The following MBP variants were observed in gnomAD, a reference collection of about 807,000 sequenced individuals.
MBP encodes the protein myelin basic protein.
In MBP, 16 loss-of-function variants were observed where a neutral mutation model predicts 35.8. The ratio of observed to expected loss-of-function variants is 0.45; its 90% CI spans 0.30 to 0.68. MBP has a LOEUF of 0.68. MBP is among the 30% of genes least tolerant of loss of function. MBP has a pLI of 0.08. For missense variants in MBP, 380 were observed against 404.7 expected, an observed-to-expected ratio of 0.94 and a Z score of 0.52; for synonymous variants, 143 against 159.6, an observed-to-expected ratio of 0.90 and a Z score of 0.78.
chr18:76,996,668 G>A (rs972672109), intron 4 of MBP, among the ~76,000 whole-genome samples: 1 of 152,094 alleles, frequency 6.6e-6, no homozygotes, highest in South Asian at 2.1e-4. Flanking sequence ...GCCGGAAAAG[G>A]CTGACCTATA....
chr18:77,015,418 A>C (rs1568290777), intron 4 of MBP: 1 of 985,476 alleles, frequency 1.0e-6, no homozygotes, highest in Non-Finnish European at 1.2e-6. Context: ...TGGGCTTGAA[A>C]AAGTGCTTCC....
Position 76,986,848 on chromosome 18 carries a change from G to A in MBP, c.750+1647C>T, listed in dbSNP as rs75069221. ...TGACTTTCAGATTAACAATCTGCGC[G>A]GCCTTTCCTCCTTTCCAATCCTTAG... On this transcript the variant is annotated intron_variant, in intron 7 of 8. Coordinates refer to ENST00000355994, the MANE Select transcript of MBP (RefSeq NM_001025101.2). The A allele has an allele frequency of 3.1e-3, 3,088 of 985,402 alleles. 93 individuals carry two copies. The African/African-American group carries it at 0.051, about 16-fold the overall frequency. 61.0% of individuals were successfully genotyped at this position (985,402 alleles called of 1,614,324 possible).
intron 3 of MBP, among the ~76,000 whole-genome samples, chr18:77,043,932 T>C (rs1468532170): frequency 2.0e-5 from 3 of 152,160 alleles, no homozygotes; most frequent in Non-Finnish European, 4.4e-5. Flanking sequence ...GTCCCAGCCA[T>C]TCTACCTGAC....
At chr18:76,983,576 G>A (rs965500226) in intron 8 of MBP, 4 of 152,234 alleles carry the variant, frequency 2.6e-5, no homozygotes, top group African/African-American at 9.7e-5. Context: ...TTTACGTTGA[G>A]GAGTGGATCC....
At chr18:77,015,884 A>T in intron 4 of MBP, 6 of 985,468 alleles carry the variant, frequency 6.1e-6, no homozygotes, top group Non-Finnish European at 7.2e-6. Flanking sequence ...GCCTTCTGGA[A>T]TTCCAGAATC....
intron 7 of MBP, chr18:76,986,686 C>T (rs1969575581): frequency 2.0e-6 from 2 of 985,410 alleles, no homozygotes; most frequent in African/African-American, 3.5e-5. Context: ...CATGCTCACT[C>T]CCTGATGGCA....
In MBP at chr18:77,131,015, G is replaced by GT. The variant is rs1174772297; in HGVS notation, c.-26+1564dup. Among the ~76,000 whole-genome samples, 1 of 105,456 alleles carries GT rather than the reference G, an allele frequency of 9.5e-6. No individual in the cohort carries two copies. Among genetic ancestry groups the GT allele is most frequent in the Non-Finnish European group, 1.9e-5 (1 of 53,730 alleles). The allele number at this position is 105,456 out of a possible 152,430, so 69.2% of individuals were successfully genotyped here. A position where few individuals can be genotyped will look rare whatever the true frequency, so the allele number is the denominator to read the frequency against. On this transcript the variant is annotated intron_variant, in intron 1 of 8. Coordinates refer to ENST00000355994, the MANE Select transcript of MBP (RefSeq NM_001025101.2). The surrounding 1 kb of genome is among the most constrained non-coding windows in gnomAD (Gnocchi z 5.5). ...CTGTGTTCTTTTCCCTCAGATTTCT[G>GT]TTTTTCCCACAAAAAAAAAAAAAAA...
chr18:77,021,687 G>A (rs1338504056), intron 3 of MBP, among the ~76,000 whole-genome samples: 1 of 152,018 alleles, frequency 6.6e-6, no homozygotes, highest in Non-Finnish European at 1.5e-5. Context: ...GTTTCACTAT[G>A]TTGGCCAGGC....
intron 4 of MBP, chr18:77,016,417 A>C: frequency 9.9e-7 from 1 of 1,014,990 alleles, no homozygotes; most frequent in South Asian, 4.3e-5. Context: ...CACTGACTCC[A>C]GGAAAAAACG....
chr18:77,029,345 A>G (rs1972440929), intron 3 of MBP, among the ~76,000 whole-genome samples: 1 of 148,820 alleles, frequency 6.7e-6, no homozygotes, highest in East Asian at 2.0e-4. Context: ...GGTTGCAGTG[A>G]GCCGAGATGG....
chr18:77,034,689 A>T (rs1420267939), intron 3 of MBP, among the ~76,000 whole-genome samples: 1 of 152,154 alleles, frequency 6.6e-6, no homozygotes, highest in Admixed American at 6.5e-5. Context: ...AAATTAATAA[A>T]ATCCAGTGGT....
At chr18:77,042,791 C>G (rs543304473) in intron 3 of MBP, among the ~76,000 whole-genome samples, 117 of 152,342 alleles carry the variant, frequency 7.7e-4, no homozygotes, top group African/African-American at 2.8e-3. Context: ...GCAGTGCCTG[C>G]CCGGTACCAG....
At chr18:77,084,039 C>T (rs1361169439) in intron 2 of MBP, among the ~76,000 whole-genome samples, 2 of 151,344 alleles carry the variant, frequency 1.3e-5, no homozygotes, top group African/African-American at 4.9e-5. Context: ...CATAAACGCT[C>T]AGTTTATGGG....
chr18:77,100,552 G>GTTTT (rs1491185619), intron 2 of MBP, among the ~76,000 whole-genome samples: 35 of 123,368 alleles, frequency 2.8e-4, no homozygotes, highest in African/African-American at 9.1e-4. Flanking sequence ...TGTGTTTTGT[G>GTTTT]GTTTTTTCTT....
intron 3 of MBP, among the ~76,000 whole-genome samples, chr18:77,050,594 T>G (rs2144691638): frequency 6.6e-6 from 1 of 152,332 alleles, no homozygotes; most frequent in South Asian, 2.1e-4. Context: ...TCACCTGGGC[T>G]GGAGTGCAAT....
At chr18:77,118,895 CCA>C (rs914427117) in intron 1 of MBP, among the ~76,000 whole-genome samples, 32 of 151,712 alleles carry the variant, frequency 2.1e-4, no homozygotes, top group Non-Finnish European at 3.8e-4. Context: ...CAGACACACA[CCA>C]CACACACAGC....
chr18:77,066,272 A>C (rs745838829), intron 3 of MBP, 26 bp downstream of exon 3: 1 of 1,578,642 alleles, frequency 6.3e-7, no homozygotes, highest in East Asian at 2.2e-5. Context: ...ATGTGGCGCC[A>C]TGTTGCCGAT....
In MBP at chr18:77,028,875, C is replaced by T. The variant is rs1264435810; in HGVS notation, c.140-11607G>A. Among the ~76,000 whole-genome samples, 2 of 109,068 alleles carry T rather than the reference C, an allele frequency of 1.8e-5. 1 individual carries two copies. The highest frequency in any genetic ancestry group is 5.6e-5 in the African/African-American group (2 of 35,716). The allele number at this position is 109,068 out of a possible 152,430, so 71.6% of individuals were successfully genotyped here. The stretch of plus-strand genomic sequence containing the variant: ...ATGTGATGGCGGCCGGGCAGAGGCG[C>T]TCCTCACTTCCCAGATGGGATGGCG... On this transcript the variant is annotated intron_variant, in intron 3 of 8. Transcript: ENST00000355994.
intron 4 of MBP, chr18:77,013,931 T>A (rs1971485330): frequency 2.0e-6 from 2 of 985,256 alleles, no homozygotes; most frequent in East Asian, 2.3e-4. Flanking sequence ...GCCTCAGATA[T>A]GAGCACTGGC....
Sources: gnomAD v4.1 joint callset for allele counts (sites outside exome capture counted in the v4.1 genomes callset) on GRCh38, gnomAD v4.1.1 for gene constraint, Gnocchi (gnomAD v3.1) non-coding constraint, MANE v1.5 for transcripts, NCBI Gene and HGNC (gene_info 2026-07-23, HGNC 2026-07-21) for gene names.